SLC38A9: variants seen among roughly 807,000 people sequenced by gnomAD.
SLC38A9 encodes the protein solute carrier family 38 member 9.
Under a neutral mutation model 62.3 loss-of-function variants are expected in SLC38A9, and 48 were observed. That is an observed-to-expected ratio of 0.77 (90% CI 0.61 to 0.98). The LOEUF is 0.98. SLC38A9 is among the 50% of genes least tolerant of loss of function. The pLI is 0.00. For missense variants in SLC38A9, 541 were observed against 679.8 expected (o/e 0.80, Z 2.27); for synonymous variants, 204 against 227.7 (o/e 0.90, Z 0.94).
intron 12 of SLC38A9, among the ~76,000 whole-genome samples, chr5:55,637,022 G>A (rs1744513646): frequency 6.6e-6 from 1 of 152,078 alleles, no homozygotes; most frequent in South Asian, 2.1e-4. Flanking sequence ...AATGAACCAG[G>A]CCAAATCTAC....
At chr5:55,680,218 T>TAGAGAG (rs772132280) in intron 3 of SLC38A9, among the ~76,000 whole-genome samples, 1 of 111,602 alleles carries the variant, frequency 9.0e-6, no homozygotes, top group African/African-American at 3.2e-5. Context: ...TATATATCTA[T>TAGAGAG]ATATATATAG....
chr5:55,642,081 T>C (rs549228345), intron 12 of SLC38A9, among the ~76,000 whole-genome samples: 79 of 152,306 alleles, frequency 5.2e-4, no homozygotes, highest in African/African-American at 1.9e-3. Context: ...GTCTCACTCT[T>C]GTCACCCAGG....
chr5:55,636,931 T>A (rs1472997709), intron 12 of SLC38A9, among the ~76,000 whole-genome samples: 1 of 152,186 alleles, frequency 6.6e-6, no homozygotes, highest in Non-Finnish European at 1.5e-5. Flanking sequence ...CCTCTTTAGT[T>A]CATGAAGCTC....
chr5:55,685,650 G>T (rs1022323654), intron 3 of SLC38A9, among the ~76,000 whole-genome samples: 5 of 151,964 alleles, frequency 3.3e-5, no homozygotes, highest in South Asian at 2.1e-4. Flanking sequence ...TAAGTTCAGG[G>T]TTACACGTGC....
At chr5:55,675,973 C>T (rs556677156) in intron 3 of SLC38A9, among the ~76,000 whole-genome samples, 1 of 152,084 alleles carries the variant, frequency 6.6e-6, no homozygotes, top group African/African-American at 2.4e-5. Flanking sequence ...CCAGGTACAA[C>T]TGAATTCAGT....
At chr5:55,677,926 T>TGTGTG (rs1554062822) in intron 3 of SLC38A9, among the ~76,000 whole-genome samples, 2,532 of 112,176 alleles carry the variant, frequency 0.023, 97 homozygotes, top group Non-Finnish European at 0.024. Context: ...TTTTTCTTTA[T>TGTGTG]TGTGTGTGTG....
At chr5:55,690,496 C>T (rs1754574426) in intron 3 of SLC38A9, among the ~76,000 whole-genome samples, 1 of 152,294 alleles carries the variant, frequency 6.6e-6, no homozygotes, top group South Asian at 2.1e-4. Flanking sequence ...TGGCCATCCG[C>T]ACTAGCCACT....
chr5:55,687,065 G>GTTTTTTTTTTTTTTTTTTTTTTTT (rs56912932), intron 3 of SLC38A9, among the ~76,000 whole-genome samples: 1 of 125,706 alleles, frequency 8.0e-6, no homozygotes, highest in African/African-American at 3.2e-5. Flanking sequence ...CTCCAGCTTT[G>GTTTTTTTTTTTTTTTTTTTTTTTT]TTTTTTTTTT....
chr5:55,691,304 A>G, intron 3 of SLC38A9: 1 of 1,513,030 alleles, frequency 6.6e-7, no homozygotes, highest in South Asian at 1.2e-5. Flanking sequence ...TGGAGGGAAT[A>G]GGACAGATAA....
intron 9 of SLC38A9, among the ~76,000 whole-genome samples, chr5:55,656,020 A>G (rs1007899560): frequency 6.6e-6 from 1 of 152,168 alleles, no homozygotes; most frequent in African/African-American, 2.4e-5. Flanking sequence ...AACTAAAACA[A>G]TAGATCTCTA....
chr5:55,641,341 C>T (rs1745421452), intron 12 of SLC38A9, among the ~76,000 whole-genome samples: 1 of 152,214 alleles, frequency 6.6e-6, no homozygotes, highest in Non-Finnish European at 1.5e-5. Flanking sequence ...CAGCTTCTAA[C>T]ATTTCATCTT....
At chr5:55,651,956 G>A (rs1325314533) in intron 10 of SLC38A9, among the ~76,000 whole-genome samples, 2 of 93,626 alleles carry the variant, frequency 2.1e-5, no homozygotes, top group African/African-American at 6.5e-5. Flanking sequence ...AATAATTCAT[G>A]TCTCAAAAAA....
Position 55,645,879 on chromosome 5 carries a change from A to C in SLC38A9, c.1077T>G (p.Phe359Leu), listed in dbSNP as rs768670359. ...GGGTAAGCACTCCAGTCAGCTGTGG[A>C]AACTGAAATCTTATCTCTAGGAGAA... ...EFFVPEIRFQ[F>L]PQLTGVLTLA... Residue 359 changes from phenylalanine (F) to leucine (L), a missense_variant, in exon 12 of 16, where the codon TTT becomes TTG. Transcript: ENST00000396865. 45 of 1,605,434 alleles carry C rather than the reference A, an allele frequency of 2.8e-5. No homozygotes were observed. The Middle Eastern group carries it at 6.6e-4, about 24-fold the overall frequency.
At chr5:55,696,029 C>CG (rs1755518100) in intron 3 of SLC38A9, 1 of 71,188 alleles carries the variant, frequency 1.4e-5, no homozygotes, top group Non-Finnish European at 3.3e-5. Context: ...GGGGGCTGAC[C>CG]CCCCCACCTC....
At chr5:55,672,455 T>C in intron 4 of SLC38A9, 108 bp downstream of exon 4, 2 of 1,292,720 alleles carry the variant, frequency 1.5e-6, no homozygotes, top group Non-Finnish European at 2.2e-6. Context: ...ATGCTGTCCT[T>C]GAAATACAGT....
At chr5:55,683,663 T>A (rs1384367513) in intron 3 of SLC38A9, among the ~76,000 whole-genome samples, 2 of 152,226 alleles carry the variant, frequency 1.3e-5, no homozygotes, top group Admixed American at 6.5e-5. Context: ...TATATATTTT[T>A]CTGTCTGGCT....
At chr5:55,628,077 T>C (rs2150006868) in intron 14 of SLC38A9, 97 bp from the exon 15 acceptor site, 2 of 735,876 alleles carry the variant, frequency 2.7e-6, no homozygotes, top group East Asian at 5.4e-5. Flanking sequence ...TTAACATCGT[T>C]AAAATCAAAA....
intron 8 of SLC38A9, among the ~76,000 whole-genome samples, chr5:55,663,758 T>C (rs1750021330): frequency 6.6e-6 from 1 of 152,064 alleles, no homozygotes; most frequent in South Asian, 2.1e-4. Flanking sequence ...AAAATAAAAA[T>C]GCTTGGCAAT....
intron 10 of SLC38A9, among the ~76,000 whole-genome samples, chr5:55,650,119 A>C (rs912611395): frequency 6.6e-6 from 1 of 152,170 alleles, no homozygotes; most frequent in Non-Finnish European, 1.5e-5. Context: ...AAAGGTGAGA[A>C]GCCAAATACA....
Sources: allele counts gnomAD v4.1 joint callset (sites outside exome capture counted in the v4.1 genomes callset), GRCh38; gene constraint gnomAD v4.1.1; transcripts MANE v1.5; gene names NCBI Gene and HGNC (gene_info 2026-07-23, HGNC 2026-07-21).